TRIM44: variants seen among roughly 807,000 people sequenced by gnomAD.
The protein encoded by TRIM44 is tripartite motif containing 44.
In TRIM44, 13 loss-of-function variants were observed where a neutral mutation model predicts 37.4. That is an observed-to-expected ratio of 0.35 (90% confidence interval 0.23 to 0.55). The LOEUF (loss-of-function observed/expected upper bound fraction) is 0.55. TRIM44 is among the 20% of genes least tolerant of loss of function. The pLI, the probability that TRIM44 is intolerant of heterozygous loss-of-function variation, is 0.89. For synonymous variants in TRIM44, 175 were observed against 157.2 expected (o/e 1.11, Z -0.85); for missense variants, 426 against 437.2 (o/e 0.97, Z 0.23).
intron 2 of TRIM44, among the ~76,000 whole-genome samples, chr11:35,709,620 A>G (rs953880938): frequency 6.6e-6 from 1 of 152,158 alleles, no homozygotes; most frequent in African/African-American, 2.4e-5. Context: ...AGTTTGGTTC[A>G]GAAATTTGCT....
chr11:35,746,446 C>CTTTTTTTTTTTTTTTTTTTT (rs5791065), intron 4 of TRIM44, among the ~76,000 whole-genome samples: 2 of 93,190 alleles, frequency 2.1e-5, no homozygotes, highest in Admixed American at 2.7e-4. Flanking sequence ...GGGGGTCCTT[C>CTTTTTTTTTTTTTTTTTTTT]TTTTTTTTTT....
At position 35,668,447 on chromosome 11, in the gene TRIM44, T is replaced by C. The variant is rs117627416; in HGVS notation, c.669+4667T>C. On this transcript the variant is annotated intron_variant, in intron 1 of 4. Coordinates refer to ENST00000299413, the MANE Select transcript of TRIM44 (RefSeq NM_017583.6). ...TGTTCTATCATTCAGCTCCCACTTG[T>C]AAGTGAGAAGATGCAGCATTTGGTT... 2.1e-3 allele frequency among the ~76,000 whole-genome samples: 327 copies of C among 152,374 alleles called. 2 individuals are homozygous for C. Among genetic ancestry groups the C allele is most frequent in the East Asian group, 0.013 (70 of 5,190 alleles).
chr11:35,807,839 C>T lies in TRIM44; in HGVS notation c.*1454C>T, dbSNP rs1342231081. On this transcript the variant is annotated 3_prime_UTR_variant, in exon 5 of 5. Transcript: ENST00000299413. Reference sequence around the variant, plus strand: ...TCACTTACGAAGCATACAACTAGAACCATATCCAAGCAGACTCTGGGTTGC... The same window carrying T: ...TCACTTACGAAGCATACAACTAGAATCATATCCAAGCAGACTCTGGGTTGC... The T allele has an allele frequency of 6.6e-6, 1 of 152,088 alleles. No individual in the cohort carries two copies. Among genetic ancestry groups the T allele is most frequent in the East Asian group, 1.9e-4 (1 of 5,188 alleles). 9.4% of individuals were successfully genotyped at this position (152,088 alleles called of 1,614,324 possible).
In TRIM44 at chr11:35,761,637, C is replaced by T. The variant is rs537756163; in HGVS notation, c.1007+26192C>T. Among the ~76,000 whole-genome samples, 3 of 152,266 alleles carry T rather than the reference C, an allele frequency of 2.0e-5. No individual in the cohort carries two copies. The East Asian group carries it at 5.8e-4, about 29-fold the overall frequency. On this transcript the variant is annotated intron_variant, in intron 4 of 4. Coordinates refer to ENST00000299413, the MANE Select transcript of TRIM44 (RefSeq NM_017583.6). ...AGATACTATTGTCATCTCTGTTTTCCAAATGAGGAAAATTAAACATTCAAA... is the reference window on the plus strand; with the variant it reads ...AGATACTATTGTCATCTCTGTTTTCTAAATGAGGAAAATTAAACATTCAAA...
intron 2 of TRIM44, among the ~76,000 whole-genome samples, chr11:35,699,979 G>T (rs1053856255): frequency 6.6e-6 from 1 of 152,120 alleles, no homozygotes; most frequent in African/African-American, 2.4e-5. Context: ...AACATTCCAT[G>T]CTCATGGGTA....
At chr11:35,733,788 C>T (rs1852295937) in intron 3 of TRIM44, among the ~76,000 whole-genome samples, 1 of 152,182 alleles carries the variant, frequency 6.6e-6, no homozygotes, top group South Asian at 2.1e-4. Context: ...TTATACCACC[C>T]CCAGCGCCCT....
At chr11:35,676,263 A>G (rs1487039006) in intron 1 of TRIM44, among the ~76,000 whole-genome samples, 1 of 152,196 alleles carries the variant, frequency 6.6e-6, no homozygotes, top group African/African-American at 2.4e-5. Flanking sequence ...GGTTGCTCTT[A>G]TTCTTATTAC....
chr11:35,701,088 T>TTA (rs1851782059), intron 2 of TRIM44, among the ~76,000 whole-genome samples: 1 of 152,064 alleles, frequency 6.6e-6, no homozygotes, highest in South Asian at 2.1e-4. Flanking sequence ...AAGCATGCAG[T>TTA]TTCTAAGGCC....
At chr11:35,767,246 C>T (rs767145424) in intron 4 of TRIM44, among the ~76,000 whole-genome samples, 7 of 152,164 alleles carry the variant, frequency 4.6e-5, no homozygotes, top group South Asian at 2.1e-4. Context: ...GGGCTGTTAT[C>T]GGGGTGCTTC....
Position 35,726,115 on chromosome 11 carries a change from C to T in TRIM44, c.939C>T (p.Ala313=). ...MDRLMTQMAQ[A]KEQLDTSNES... is the part of the protein sequence containing the mutation. ...GGTTGATGACTCAGATGGCCCAAGC[C>T]AAGGAACAACTTGATACCTCTAATG... is the stretch of plus-strand genomic sequence containing the variant. The change falls in exon 3 of 5, where the codon GCC becomes GCT. Residue 313 remains alanine (A), a synonymous_variant. Transcript: ENST00000299413. 1.2e-6 allele frequency: 2 copies of T among 1,614,058 alleles called. No homozygotes were observed. The highest frequency in any genetic ancestry group is 2.2e-5 in the South Asian group (2 of 91,066).
chr11:35,743,866 C>T (rs1852449237), intron 4 of TRIM44, among the ~76,000 whole-genome samples: 1 of 152,180 alleles, frequency 6.6e-6, no homozygotes, highest in South Asian at 2.1e-4. Context: ...GGTGCCCTTT[C>T]CTCAAGATGC....
At chr11:35,761,226 GC>G (rs1268723224) in intron 4 of TRIM44, among the ~76,000 whole-genome samples, 1 of 151,778 alleles carries the variant, frequency 6.6e-6, no homozygotes, top group Non-Finnish European at 1.5e-5. Context: ...CCACATCTTG[GC>G]TATTGCAAGT....
At chr11:35,663,895 T>G (rs1441984105) in intron 1 of TRIM44, 115 bp downstream of exon 1, 1 of 1,299,348 alleles carries the variant, frequency 7.7e-7, no homozygotes, top group Middle Eastern at 2.0e-4. Context: ...AGCTAGTCTT[T>G]CCAACTTTTT....
chr11:35,669,054 T>C (rs1385704057), intron 1 of TRIM44, among the ~76,000 whole-genome samples: 1 of 152,220 alleles, frequency 6.6e-6, no homozygotes, highest in Non-Finnish European at 1.5e-5. Flanking sequence ...TTTTAGTTTT[T>C]CATGTTTCAT....
intron 4 of TRIM44, among the ~76,000 whole-genome samples, chr11:35,743,878 T>A (rs1467580709): frequency 6.6e-6 from 1 of 152,214 alleles, no homozygotes; most frequent in Non-Finnish European, 1.5e-5. Context: ...TCAAGATGCC[T>A]AATTCCATCT....
At chr11:35,688,018 T>C (rs977191725) in intron 2 of TRIM44, among the ~76,000 whole-genome samples, 8 of 152,196 alleles carry the variant, frequency 5.3e-5, no homozygotes, top group Non-Finnish European at 7.4e-5. Flanking sequence ...CACTTAAATA[T>C]ATAATTTCTG....
chr11:35,741,851 A>G (rs577049305), intron 4 of TRIM44, among the ~76,000 whole-genome samples: 1 of 152,334 alleles, frequency 6.6e-6, no homozygotes, highest in African/African-American at 2.4e-5. Flanking sequence ...GGATATAACT[A>G]AGACTTTGTT....
rs74976759 is a variant in TRIM44 at position 35,754,048 on chromosome 11, A to T, written c.1007+18603A>T. 6.1e-5 allele frequency among the ~76,000 whole-genome samples: 8 copies of T among 131,392 alleles called. No individual in the cohort carries two copies. In the East Asian group the frequency reaches 8.1e-4, roughly 13 times the overall value. 86.2% of individuals were successfully genotyped at this position (131,392 alleles called of 152,430 possible). The stretch of plus-strand genomic sequence containing the variant: ...GACCAAGTGAGACTGTCTCAAATTT[A>T]AAAAAAAAAAGAAAAAAAGAAATTT... On this transcript the variant is annotated intron_variant, in intron 4 of 4. Transcript: ENST00000299413.
At chr11:35,685,450 T>G (rs573500419) in intron 2 of TRIM44, 114 bp downstream of exon 2, 42 of 840,498 alleles carry the variant, frequency 5.0e-5, no homozygotes, top group Non-Finnish European at 7.1e-5. Context: ...TAAGATTTAA[T>G]TAAGCCTGCC....
Sources: allele counts gnomAD v4.1 joint callset (sites outside exome capture counted in the v4.1 genomes callset), GRCh38; gene constraint gnomAD v4.1.1; transcripts MANE v1.5; gene names NCBI Gene and HGNC (gene_info 2026-07-23, HGNC 2026-07-21).